Variants in PCSK7 observed in about 807,000 individuals in gnomAD.
The protein encoded by PCSK7 is proprotein convertase subtilisin/kexin type 7.
Under a neutral mutation model 73.3 loss-of-function variants are expected in PCSK7, and 38 were observed. The observed-to-expected ratio is 0.52, with a 90% CI of 0.40 to 0.68. The LOEUF (loss-of-function observed/expected upper bound fraction) is 0.68, where lower values mean the gene tolerates loss of function less well. PCSK7 is among the 30% of genes least tolerant of loss of function. The probability of loss-of-function intolerance (pLI) is 0.00; values close to 1 mark genes in which losing one functional copy is unlikely to be tolerated. For missense variants in PCSK7, 692 were observed against 991.5 expected, an observed-to-expected ratio of 0.70 and a Z score of 4.06; for synonymous variants, 296 against 383.8, an observed-to-expected ratio of 0.77 and a Z score of 2.68.
At chr11:117,223,086 G>C in intron 9 of PCSK7, 122 bp downstream of exon 9, 5 of 715,390 alleles carry the variant, frequency 7.0e-6, no homozygotes, top group Admixed American at 1.9e-5. Flanking sequence ...CCAGCTCTGT[G>C]GGGGAAGAGG....
rs1230277992 is a variant in PCSK7, at chr11:117,229,677, C to T, written c.168G>A (p.Val56=). 6.2e-7 allele frequency: 1 copy of T among 1,613,926 alleles called. No individual in the cohort carries two copies. The highest frequency in any genetic ancestry group is 8.5e-7 in the Non-Finnish European group (1 of 1,179,798). The change falls in exon 3 of 17, where the codon GTG becomes GTA. Residue 56 remains valine, a synonymous_variant. Coordinates refer to ENST00000320934, the MANE Select transcript of PCSK7 (RefSeq NM_004716.4). Reference sequence around the variant, plus strand: ...CGTCACCTTCCAGGCTTTCCAGGTGCACAGCCCAGCTCGGCCCCCCTGTGC... The same window carrying T: ...CGTCACCTTCCAGGCTTTCCAGGTGTACAGCCCAGCTCGGCCCCCCTGTGC... ...GQGTGGPSWA[V]HLESLEGDGE... is the part of the protein sequence containing the mutation.
chr11:117,227,377 C>A (rs2134329834), intron 4 of PCSK7, 55 bp from the exon 5 acceptor site: 1 of 1,368,584 alleles, frequency 7.3e-7, no homozygotes, highest in East Asian at 2.3e-5. Context: ...GGGATCAGGT[C>A]CTGGGGTTCA....
chr11:117,205,790 C>T lies in PCSK7; in HGVS notation c.*207G>A, dbSNP rs886993042. The T allele has an allele frequency of 5.3e-5, 24 of 450,540 alleles. No individual in the cohort carries two copies. The highest frequency in any genetic ancestry group is 1.7e-4 in the East Asian group (5 of 28,808). 27.9% of individuals were successfully genotyped at this position (450,540 alleles called of 1,614,324 possible). On this transcript the variant is annotated 3_prime_UTR_variant, in exon 17 of 17. Transcript: ENST00000320934. ...CCAACACCTTCTCACCAAAAGCTCC[C>T]GTTTGGCTGGAGGCAGACCCTGTGG...
At chr11:117,210,527 T>G (rs554401743) in intron 12 of PCSK7, 2 of 152,204 alleles carry the variant, frequency 1.3e-5, no homozygotes, top group Admixed American at 1.3e-4. Context: ...GCCACCTAAT[T>G]TTTGTATTTT....
chr11:117,220,397 T>C (rs1390875194), intron 9 of PCSK7: 1 of 152,356 alleles, frequency 6.6e-6, no homozygotes, highest in Non-Finnish European at 1.5e-5. Context: ...CGTGTACCAC[T>C]GCACCACACT....
At chr11:117,215,368 G>GTGTGTGTA (rs2031921956) in intron 12 of PCSK7, 1 of 80,806 alleles carries the variant, frequency 1.2e-5, no homozygotes, top group African/African-American at 6.4e-5. Context: ...GCTAATTTGT[G>GTGTGTGTA]TGTGTGTGTG....
chr11:117,222,079 GC>G (rs1175040765), intron 9 of PCSK7: 1 of 152,188 alleles, frequency 6.6e-6, no homozygotes, highest in Non-Finnish European at 1.5e-5. Flanking sequence ...ATTCCCAATG[GC>G]CCCAGAGAGA....
At chr11:117,225,013 A>T in intron 6 of PCSK7, 5 of 365,946 alleles carry the variant, frequency 1.4e-5, no homozygotes, top group Middle Eastern at 8.9e-4. Context: ...AGAGGGACAG[A>T]GGTCACTCAT....
At chr11:117,206,478 T>G (rs546995317) in intron 16 of PCSK7, 122 bp from the exon 17 acceptor site, 1 of 1,307,830 alleles carries the variant, frequency 7.6e-7, no homozygotes, top group East Asian at 2.5e-5. Context: ...TCACCCAAAC[T>G]GTTCCCTCTG....
intron 1 of PCSK7, chr11:117,231,026 A>C (rs1176351549): frequency 2.0e-5 from 3 of 150,552 alleles, no homozygotes; most frequent in Non-Finnish European, 4.4e-5. Context: ...CCTGGGTTTG[A>C]CAGAACCAGG....
chr11:117,218,494 G>C lies in PCSK7; in HGVS notation c.1506C>G (p.Ser502=). The C allele has an allele frequency of 6.2e-7, 1 of 1,607,682 alleles. No individual in the cohort carries two copies. The highest frequency in any genetic ancestry group is 8.5e-7 in the Non-Finnish European group (1 of 1,176,486). The change falls in exon 12 of 17, where the codon TCC becomes TCG. Residue 502 remains serine (S), a synonymous_variant. Coordinates refer to ENST00000320934, the MANE Select transcript of PCSK7 (RefSeq NM_004716.4). This position sits in a 1 kb window ranked among gnomAD's most constrained non-coding sequence, Gnocchi z 4.0. ...VLKENKAIPQ[S]PRSLEVLWNV... is the part of the protein sequence containing the mutation. Reference sequence around the variant, plus strand: ...TCCACAGGACCTCCAGGGAACGGGGGGACTGCGGAATCGCCTTGTTTTCTT... The same window carrying C: ...TCCACAGGACCTCCAGGGAACGGGGCGACTGCGGAATCGCCTTGTTTTCTT...
chr11:117,229,767 G>A lies in PCSK7; in HGVS notation c.78C>T (p.Ala26=), dbSNP rs746175854. ...CCCAGGGAACCAGTAAGAAGAGCCC[G>A]GCTAATTCCAGCCAGAGGCAGGTGG... ...GLPTCLWLEL[A]GLFLLVPWVM... Residue 26 remains alanine (A), a synonymous_variant, in exon 3 of 17, where the codon GCC becomes GCT. Transcript: ENST00000320934. 2.4e-5 allele frequency: 39 copies of A among 1,612,810 alleles called. No individual in the cohort carries two copies. Among genetic ancestry groups the A allele is most frequent in the Admixed American group, 3.3e-5 (2 of 59,920 alleles).
intron 8 of PCSK7, 21 bp downstream of exon 8, chr11:117,224,057 A>C: frequency 6.2e-7 from 1 of 1,613,408 alleles, no homozygotes; most frequent in Non-Finnish European, 8.5e-7. Context: ...ACACAGGAGC[A>C]CAGAAACATT....
At chr11:117,212,307 G>C (rs1341868018) in intron 12 of PCSK7, 1 of 151,970 alleles carries the variant, frequency 6.6e-6, no homozygotes, top group East Asian at 1.9e-4. Context: ...TTTCATTTAT[G>C]GCAGATGAGA....
chr11:117,218,949 G>T lies in PCSK7; in HGVS notation c.1431+108C>A. ...GTTGAAGTTGTTAAATCAATGAACTGAATGAACATTTACTAGGCACCTATG... is the reference window on the plus strand; with the variant it reads ...GTTGAAGTTGTTAAATCAATGAACTTAATGAACATTTACTAGGCACCTATG... On this transcript the variant is annotated intron_variant, in intron 11 of 16. Transcript: ENST00000320934. This position sits in a 1 kb window ranked among gnomAD's most constrained non-coding sequence, Gnocchi z 4.0. 1.5e-6 allele frequency: 1 copy of T among 653,560 alleles called. No individual in the cohort carries two copies. Among genetic ancestry groups the T allele is most frequent in the South Asian group, 1.9e-5 (1 of 52,658 alleles). The allele number at this position is 653,560 out of a possible 1,614,324, so 40.5% of individuals were successfully genotyped here.
At chr11:117,209,399 C>A in intron 12 of PCSK7, 1 of 233,512 alleles carries the variant, frequency 4.3e-6, no homozygotes, top group Non-Finnish European at 7.9e-6. Context: ...TGGGCGTGGT[C>A]CCTGCCTCCT....
At chr11:117,221,125 A>ACTT (rs1165090401) in intron 9 of PCSK7, 2 of 152,154 alleles carry the variant, frequency 1.3e-5, no homozygotes, top group African/African-American at 4.8e-5. Context: ...TTTCTTCCAA[A>ACTT]CTTCTCTTCT....
rs757871447 is a variant in PCSK7 at position 117,219,155 on chromosome 11, G to C, written c.1333C>G (p.Arg445Gly). The C allele has an allele frequency of 1.3e-5, 21 of 1,607,602 alleles. No individual in the cohort carries two copies. Among genetic ancestry groups the C allele is most frequent in the Non-Finnish European group, 1.7e-5 (20 of 1,177,742 alleles). ...IVFTATRYED[R>G]RAEWVTNEAG... Reference sequence around the variant, plus strand: ...TCGTTGGTGACCCACTCTGCACGGCGATCCTCATACTGAAAGGACAGAGGT... The same window carrying C: ...TCGTTGGTGACCCACTCTGCACGGCCATCCTCATACTGAAAGGACAGAGGT... The change falls in exon 11 of 17, where the codon CGC becomes GGC. Residue 445 changes from arginine (R) to glycine (G), a missense_variant. By Grantham distance (125) the Arg-to-Gly change is moderately radical (BLOSUM62 -2). Around this residue, in one of 6 missense-constraint regions of PCSK7, gnomAD observed 574 missense variants for 689.8 expected, o/e 0.83. Transcript: ENST00000320934.
rs565046801 is a variant in PCSK7 at position 117,216,298 on chromosome 11, A to C, written c.1534+2168T>G. The C allele has an allele frequency of 3.3e-5, 5 of 152,282 alleles. No homozygotes were observed. The East Asian group carries it at 9.7e-4, about 29-fold the overall frequency. 9.4% of individuals were successfully genotyped at this position (152,282 alleles called of 1,614,324 possible). A position where few individuals can be genotyped will look rare whatever the true frequency, so the allele number is the denominator to read the frequency against. On this transcript the variant is annotated intron_variant, in intron 12 of 16. Transcript: ENST00000320934. ...CTCCTCTTCTATCTCAGGGATGTTC[A>C]GCTCCCTCTGCTTTATAAAAAGTTC...
Sources: allele counts gnomAD v4.1 joint callset, GRCh38; gene constraint gnomAD v4.1.1; regional missense constraint gnomAD v4.1.1; non-coding constraint Gnocchi (gnomAD v3.1); transcripts MANE v1.5; gene names NCBI Gene and HGNC (gene_info 2026-07-23, HGNC 2026-07-21).